ITPRID1: variants seen among roughly 807,000 people sequenced by gnomAD.
The protein encoded by ITPRID1 is protein ITPRID1.
Under a neutral mutation model 95.4 loss-of-function variants are expected in ITPRID1, and 96 were observed. The observed-to-expected ratio is 1.01, with a 90% CI of 0.85 to 1.19. The LOEUF is 1.19. Ranked by LOEUF, ITPRID1 falls within the 50% of genes most tolerant of loss-of-function variation. The pLI is 0.00. For missense variants in ITPRID1, 1,339 were observed against 1,252.9 expected (o/e 1.07, Z -1.04); for synonymous variants, 510 against 453.6 (o/e 1.12, Z -1.58).
At position 31,643,804 on chromosome 7, in the gene ITPRID1, C is replaced by T; in HGVS notation, c.2434C>T (p.His812Tyr). ...PAHCCICCHH[H>Y]PHCHGERQSP... ...CCACTGCTGCATCTGCTGTCATCAC[C>T]ACCCTCACTGCCACGGGGAGAGGCA... Residue 812 changes from histidine (H) to tyrosine (Y), a missense_variant, in exon 12 of 15, where the codon CAC becomes TAC. His to Tyr is a moderately conservative substitution (Grantham distance 83, BLOSUM62 2). Transcript: ENST00000615280. The T allele has an allele frequency of 3.1e-6, 5 of 1,613,972 alleles. No homozygotes were observed. Among genetic ancestry groups the T allele is most frequent in the Middle Eastern group, 1.6e-4 (1 of 6,062 alleles).
chr7:31,601,154 T>A (rs1237048578), intron 10 of ITPRID1, among the ~76,000 whole-genome samples: 3 of 152,110 alleles, frequency 2.0e-5, no homozygotes, highest in Non-Finnish European at 4.4e-5. Flanking sequence ...ATTACAATTG[T>A]GATAAGTGTC....
rs1348916704 is a variant in ITPRID1, at chr7:31,569,786, A to C, written c.285A>C (p.Gln95His). 6.3e-7 allele frequency: 1 copy of C among 1,587,208 alleles called. No homozygotes were observed. The highest frequency in any genetic ancestry group is 8.6e-7 in the Non-Finnish European group (1 of 1,165,490). Residue 95 changes from glutamine to histidine, a missense_variant, in exon 6 of 15, where the codon CAA (glutamine) becomes CAC (histidine). Transcript: ENST00000615280. ...CTTTGTATGAACAAGGGATGGTTCA[A>C]ATGACTGTGAAAGACTACATGAGGT... Reference protein sequence around the residue: ...TVSLYEQGMVQMTVKDYMRSL... With the variant: ...TVSLYEQGMVHMTVKDYMRSL...
downstream of ITPRID1, chr7:31,656,590 G>C (rs1791317886): frequency 1.7e-6 from 1 of 583,756 alleles, no homozygotes; most frequent in Admixed American, 6.3e-5. Context: ...GAATGAATGA[G>C]ATGAGGATAA....
At chr7:31,548,988 A>C (rs1784192897) in intron 1 of ITPRID1, among the ~76,000 whole-genome samples, 1 of 152,098 alleles carries the variant, frequency 6.6e-6, no homozygotes, top group Admixed American at 6.6e-5. Context: ...ACACTATTTG[A>C]GATCTTAGGA....
At chr7:31,590,172 G>A (rs963393912) in intron 10 of ITPRID1, among the ~76,000 whole-genome samples, 4 of 152,074 alleles carry the variant, frequency 2.6e-5, no homozygotes, top group Non-Finnish European at 4.4e-5. Flanking sequence ...AGTGTCAAGA[G>A]ATCCTCCTGC....
chr7:31,595,055 A>T (rs1387128357), intron 10 of ITPRID1, among the ~76,000 whole-genome samples: 1 of 149,182 alleles, frequency 6.7e-6, no homozygotes, highest in African/African-American at 2.5e-5. Flanking sequence ...AAATGCAAAG[A>T]TTCTTTTATA....
At chr7:31,561,121 T>A (rs879645523) in intron 5 of ITPRID1, among the ~76,000 whole-genome samples, 3 of 152,112 alleles carry the variant, frequency 2.0e-5, no homozygotes, top group Non-Finnish European at 4.4e-5. Context: ...GAAGAGCTAT[T>A]TCAGAGGAAA....
At chr7:31,617,115 C>T (rs1346778366) in intron 10 of ITPRID1, among the ~76,000 whole-genome samples, 1 of 152,086 alleles carries the variant, frequency 6.6e-6, no homozygotes, top group Non-Finnish European at 1.5e-5. Context: ...GTGAGCTCGT[C>T]CCGGTATAAT....
intron 1 of ITPRID1, among the ~76,000 whole-genome samples, chr7:31,545,895 G>A (rs977467505): frequency 6.6e-6 from 1 of 152,124 alleles, no homozygotes; most frequent in Non-Finnish European, 1.5e-5. Flanking sequence ...GGGAGGGAGA[G>A]CAGAAGGACA....
intron 9 of ITPRID1, among the ~76,000 whole-genome samples, chr7:31,580,587 T>A (rs2128148215): frequency 6.6e-6 from 1 of 152,294 alleles, no homozygotes; most frequent in South Asian, 2.1e-4. Context: ...CAAGAATTTT[T>A]AAATTACAAT....
intron 10 of ITPRID1, among the ~76,000 whole-genome samples, chr7:31,623,833 C>T (rs1788171107): frequency 6.6e-6 from 1 of 152,128 alleles, no homozygotes; most frequent in African/African-American, 2.4e-5. Flanking sequence ...GTCAAATTGT[C>T]CCTGTTTGCA....
rs1031552931 is a variant in ITPRID1 at position 31,572,186 on chromosome 7, A to G, written c.393A>G (p.Gln131=). 3.8e-6 allele frequency: 6 copies of G among 1,594,128 alleles called. No individual in the cohort carries two copies. In the African/African-American group the frequency reaches 6.7e-5, roughly 18 times the overall value. ...NSCYSTASVP[Q]SIPEWLEFWE... ...GCTATTCTACTGCAAGTGTACCACA[A>G]AGGTATGTAATTTCCAGGTGCTTTT... Residue 131 remains glutamine (Q), a splice_region_variant and synonymous_variant, in exon 7 of 15, where the codon CAA becomes CAG. Coordinates refer to ENST00000615280, the MANE Select transcript of ITPRID1 (RefSeq NM_001257967.3).
At chr7:31,593,189 C>A (rs1323736290) in intron 10 of ITPRID1, among the ~76,000 whole-genome samples, 1 of 152,006 alleles carries the variant, frequency 6.6e-6, no homozygotes, top group Non-Finnish European at 1.5e-5. Context: ...CTTGTAATCC[C>A]AGCTACTCGG....
intron 12 of ITPRID1, among the ~76,000 whole-genome samples, chr7:31,646,128 G>A (rs1790446367): frequency 6.6e-6 from 1 of 152,108 alleles, no homozygotes; most frequent in African/African-American, 2.4e-5. Context: ...GCATTACAAA[G>A]ATTTTAAGTC....
chr7:31,568,455 T>C (rs1020502383), intron 5 of ITPRID1, among the ~76,000 whole-genome samples: 2 of 152,220 alleles, frequency 1.3e-5, no homozygotes, highest in Non-Finnish European at 2.9e-5. Flanking sequence ...AATCTTTATG[T>C]TCTCATAGAA....
chr7:31,538,315 T>C (rs1020149157), intron 1 of ITPRID1, among the ~76,000 whole-genome samples: 3 of 152,188 alleles, frequency 2.0e-5, no homozygotes, highest in Admixed American at 2.0e-4. Flanking sequence ...ATTGCAGATA[T>C]AATGCTCTTT....
intron 10 of ITPRID1, 47 bp from the exon 11 acceptor site, chr7:31,642,129 C>G: frequency 7.2e-7 from 1 of 1,391,900 alleles, no homozygotes; most frequent in Non-Finnish European, 9.9e-7. Flanking sequence ...GTCCTGCTGG[C>G]TGCGTGTTTT....
intron 10 of ITPRID1, among the ~76,000 whole-genome samples, chr7:31,619,750 T>C (rs1787630006): frequency 6.6e-6 from 1 of 152,010 alleles, no homozygotes; most frequent in Admixed American, 6.5e-5. Flanking sequence ...TGCCAGACAG[T>C]GGGCGCAGGT....
chr7:31,588,223 G>A (rs946058477), intron 10 of ITPRID1, among the ~76,000 whole-genome samples: 2 of 152,136 alleles, frequency 1.3e-5, no homozygotes, highest in Non-Finnish European at 2.9e-5. Flanking sequence ...AAAGAGTGGA[G>A]GGAGTTTCAA....
Sources: allele counts gnomAD v4.1 joint callset (sites outside exome capture counted in the v4.1 genomes callset), GRCh38; gene constraint gnomAD v4.1.1; transcripts MANE v1.5; gene names NCBI Gene and HGNC (gene_info 2026-07-23, HGNC 2026-07-21).